CPS1: variants seen among roughly 807,000 people sequenced by gnomAD.
The protein encoded by CPS1 is carbamoyl-phosphate synthase 1, also known as carbamoyl-phosphate synthase [ammonia], mitochondrial.
In CPS1, 109 loss-of-function variants were observed where a neutral mutation model predicts 174.6. The observed-to-expected ratio is 0.62, with a 90% CI of 0.53 to 0.73. The LOEUF (loss-of-function observed/expected upper bound fraction) is 0.73, where lower values mean the gene tolerates loss of function less well. CPS1 is among the 30% of genes least tolerant of loss of function. The probability of loss-of-function intolerance (pLI) is 0.00; values close to 1 mark genes in which losing one functional copy is unlikely to be tolerated. For missense variants in CPS1, 1,689 were observed against 1,821.9 expected, an observed-to-expected ratio of 0.93 and a Z score of 1.33; for synonymous variants, 637 against 632.0, an observed-to-expected ratio of 1.01 and a Z score of -0.12.
At chr2:210,506,645 T>A (rs1424314022) in intron 1 of CPS1, among the ~76,000 whole-genome samples, 1 of 152,030 alleles carries the variant, frequency 6.6e-6, no homozygotes, top group Non-Finnish European at 1.5e-5. Flanking sequence ...ATTAGACAAA[T>A]GGCTAACTAG....
intron 7 of CPS1, among the ~76,000 whole-genome samples, chr2:210,588,732 A>G (rs1416007294): frequency 6.6e-6 from 1 of 152,054 alleles, no homozygotes; most frequent in Non-Finnish European, 1.5e-5. Context: ...CCCTCCATAC[A>G]CATACACACA....
chr2:210,644,468 C>T (rs979025687), intron 25 of CPS1, among the ~76,000 whole-genome samples: 3 of 151,980 alleles, frequency 2.0e-5, no homozygotes, highest in Admixed American at 6.6e-5. Flanking sequence ...TCCTAAAATA[C>T]TGCCTAAACT....
intron 33 of CPS1, among the ~76,000 whole-genome samples, chr2:210,665,978 C>G (rs1405919313): frequency 6.7e-6 from 1 of 148,286 alleles, no homozygotes; most frequent in Non-Finnish European, 1.5e-5. Flanking sequence ...CACATCCTCT[C>G]CAGCACCTGT....
chr2:210,676,887 A>T (rs2105945759), intron 36 of CPS1, 120 bp from the exon 37 acceptor site: 1 of 857,186 alleles, frequency 1.2e-6, no homozygotes, highest in East Asian at 2.6e-5. Flanking sequence ...AGGAGGGCAG[A>T]TGGCAGTCAA....
Position 210,663,172 on chromosome 2 carries a change from G to A in CPS1, c.3977G>A (p.Arg1326Lys). 6.2e-7 allele frequency: 1 copy of A among 1,613,610 alleles called. No individual in the cohort carries two copies. The highest frequency in any genetic ancestry group is 8.5e-7 in the Non-Finnish European group (1 of 1,179,930). The change falls in exon 33 of 38, where the codon AGA (arginine) becomes AAA (lysine). Residue 1326 changes from arginine to lysine, a missense_variant. Physicochemically the swap from Arg to Lys is conservative, Grantham distance 26 (BLOSUM62 2). Transcript: ENST00000233072. ...TTGAGGGATGCTGACCCCATTCTGA[G>A]ATGTGAGATGGCTTCCACTGGAGAG... is the stretch of plus-strand genomic sequence containing the variant. ...PRLRDADPIL[R>K]CEMASTGEVA... is the part of the protein sequence containing the mutation.
chr2:210,662,775 C>T (rs1700965550), intron 32 of CPS1, among the ~76,000 whole-genome samples: 2 of 152,196 alleles, frequency 1.3e-5, no homozygotes, highest in African/African-American at 4.8e-5. Context: ...TGTGTTTGAA[C>T]TCTGTCTGGA....
At chr2:210,544,243 CGT>C (rs1488920951) in intron 1 of CPS1, among the ~76,000 whole-genome samples, 2 of 152,060 alleles carry the variant, frequency 1.3e-5, no homozygotes, top group African/African-American at 4.8e-5. Flanking sequence ...TCAGTAGGTA[CGT>C]AATCCTGGAA....
upstream of CPS1, among the ~76,000 whole-genome samples, chr2:210,552,734 C>A (rs185520716): frequency 9.9e-5 from 15 of 151,862 alleles, no homozygotes; most frequent in Admixed American, 8.5e-4. Context: ...TCAGTATAGA[C>A]ACAGGCTGTC....
chr2:210,482,022 G>A (rs1382622329), intron 1 of CPS1, among the ~76,000 whole-genome samples: 1 of 152,160 alleles, frequency 6.6e-6, no homozygotes, highest in East Asian at 1.9e-4. Flanking sequence ...ACAACACCTG[G>A]GCTGAGCCTC....
chr2:210,512,429 C>T (rs1695519470), intron 1 of CPS1, among the ~76,000 whole-genome samples: 1 of 151,894 alleles, frequency 6.6e-6, no homozygotes, highest in South Asian at 2.1e-4. Flanking sequence ...ATGTTTAGCT[C>T]CCACTTAAAA....
intron 1 of CPS1, among the ~76,000 whole-genome samples, chr2:210,561,633 G>T (rs1479024737): frequency 6.6e-6 from 1 of 152,140 alleles, no homozygotes; most frequent in South Asian, 2.1e-4. Context: ...GGTATGCTAC[G>T]CTGACTGCCC....
chr2:210,655,614 AC>A (rs1379801648), intron 29 of CPS1, among the ~76,000 whole-genome samples: 1 of 152,174 alleles, frequency 6.6e-6, no homozygotes, highest in Non-Finnish European at 1.5e-5. Context: ...ATGAGCTCTT[AC>A]TTATATGTGG....
chr2:210,668,389 C>A (rs756844740), intron 34 of CPS1, 105 bp downstream of exon 34: 81 of 849,936 alleles, frequency 9.5e-5, no homozygotes, highest in Non-Finnish European at 1.4e-4. Context: ...ATTTGTTTTA[C>A]GTTTCCGTTT....
At chr2:210,605,674 G>A (rs961734325) in intron 17 of CPS1, among the ~76,000 whole-genome samples, 3 of 151,868 alleles carry the variant, frequency 2.0e-5, no homozygotes, top group African/African-American at 7.2e-5. Context: ...GATAACTTAG[G>A]ATTTAAAAGT....
At chr2:210,486,252 A>C (rs1694722617) in intron 1 of CPS1, among the ~76,000 whole-genome samples, 1 of 151,814 alleles carries the variant, frequency 6.6e-6, no homozygotes, top group Non-Finnish European at 1.5e-5. Flanking sequence ...TTTACTTAAT[A>C]TTATTCATAA....
chr2:210,512,863 GATAT>G lies in CPS1; in HGVS notation c.3+35107_3+35110del, dbSNP rs201588736. On this transcript the variant is annotated intron_variant, in intron 1 of 38. Coordinates refer to the CPS1 transcript ENST00000430249. ...ACATATATGGAGATATATATATATA[GATAT>G]ATATATATAGAGATATATATATGGA... Among the ~76,000 whole-genome samples the G allele has an allele frequency of 6.7e-4, 24 of 35,626 alleles. 1 individual carries two copies. The highest frequency in any genetic ancestry group is 3.7e-3 in the South Asian group (3 of 808). The allele number at this position is 35,626 out of a possible 152,430, so 23.4% of individuals were successfully genotyped here.
At chr2:210,574,819 G>A (rs1297652407) in intron 2 of CPS1, among the ~76,000 whole-genome samples, 2 of 151,734 alleles carry the variant, frequency 1.3e-5, no homozygotes, top group Non-Finnish European at 2.9e-5. Context: ...TAAAGGGAAT[G>A]GTAAGTTCTT....
chr2:210,555,733 A>C (rs1406314280), upstream of CPS1: 1 of 450,972 alleles, frequency 2.2e-6, no homozygotes, highest in Admixed American at 2.4e-5. Flanking sequence ...CCTGTTCTAC[A>C]TAGTCATGTG....
intron 15 of CPS1, 29 bp downstream of exon 15, chr2:210,600,741 G>C: frequency 6.2e-7 from 1 of 1,610,008 alleles, no homozygotes; most frequent in Non-Finnish European, 8.5e-7. Context: ...GGAAAAACAA[G>C]GGCATTATTT....
Sources: allele counts gnomAD v4.1 joint callset (sites outside exome capture counted in the v4.1 genomes callset), GRCh38; gene constraint gnomAD v4.1.1; transcripts MANE v1.5; gene names NCBI Gene and HGNC (gene_info 2026-07-23, HGNC 2026-07-21).